Variants in CCDC3 observed in about 807,000 individuals in gnomAD.
CCDC3 encodes the protein coiled-coil domain-containing protein 3.
A neutral mutation model predicts 21.4 loss-of-function variants in CCDC3; 24 were observed. That is an observed-to-expected ratio of 1.12 (90% CI 0.81 to 1.58). The LOEUF is 1.58. Ranked by LOEUF, CCDC3 falls within the 40% of genes most tolerant of loss-of-function variation. The pLI is 0.00. For synonymous variants in CCDC3, 186 were observed against 166.0 expected (o/e 1.12, Z -0.93); for missense variants, 425 against 360.9 (o/e 1.18, Z -1.44).
At chr10:13,097,350 TCTAGGTGTTGAA>T in intron 3 of CCDC3, among the ~76,000 whole-genome samples, 1 of 152,256 alleles carries the variant, frequency 6.6e-6, no homozygotes, top group Admixed American at 6.5e-5. Flanking sequence ...CAGGCGTTCT[TCTAGGTGTTGAA>T]GACGTATTTC....
chr10:12,977,042 G>C (rs145114959), intron 2 of CCDC3, among the ~76,000 whole-genome samples: 1,608 of 152,320 alleles, frequency 0.011, 22 homozygotes, highest in African/African-American at 0.037. Flanking sequence ...GGGAGGCCAA[G>C]GTGGGCAGAT....
chr10:13,030,015 G>C (rs1589044888), intron 5 of CCDC3, among the ~76,000 whole-genome samples: 2 of 152,240 alleles, frequency 1.3e-5, no homozygotes, highest in Admixed American at 1.3e-4. Flanking sequence ...TCCTCGAGAA[G>C]AGCAACTCCA....
rs1435862653 is a variant in CCDC3, at chr10:12,980,083, A to G, written c.549+18255T>C. 3.3e-5 allele frequency among the ~76,000 whole-genome samples: 5 copies of G among 152,102 alleles called. No individual in the cohort carries two copies. In the East Asian group the frequency reaches 9.6e-4, roughly 29 times the overall value. ...TTACATGAAAGGGTTCGACTAGGCA[A>G]TCTCCCGGGTCCCTTTCAGTCCTGA... On this transcript the variant is annotated intron_variant, in intron 2 of 2. Transcript: ENST00000378825.
At position 13,023,160 on chromosome 10, in the gene CCDC3, C is replaced by T. The variant is rs142747081; in HGVS notation, c.-1-24648G>A. ...AAAGTGTAAAATAAAAGATATTTAA[C>T]GCTGCTATTGTACAATTTTATCTAA... On this transcript the variant is annotated intron_variant, in intron 5 of 6. Transcript: ENST00000378839. 1.8e-3 allele frequency among the ~76,000 whole-genome samples: 277 copies of T among 151,788 alleles called. 1 individual carries two copies. The highest frequency in any genetic ancestry group is 3.4e-3 in the Middle Eastern group (1 of 292).
chr10:12,935,980 T>C (rs1408096495), intron 2 of CCDC3, among the ~76,000 whole-genome samples: 1 of 152,258 alleles, frequency 6.6e-6, no homozygotes, highest in Non-Finnish European at 1.5e-5. Context: ...AGTGAATACA[T>C]TGTTGCTATT....
intron 5 of CCDC3, among the ~76,000 whole-genome samples, chr10:13,024,111 C>A (rs1184886349): frequency 6.6e-6 from 1 of 152,134 alleles, no homozygotes; most frequent in African/African-American, 2.4e-5. Flanking sequence ...AGATATCCTT[C>A]TTTTTCCAAG....
chr10:12,977,482 G>A (rs978002627), intron 2 of CCDC3, among the ~76,000 whole-genome samples: 2 of 152,160 alleles, frequency 1.3e-5, no homozygotes, highest in African/African-American at 4.8e-5. Flanking sequence ...GCTATTAATA[G>A]TAGCTGATTG....
intron 5 of CCDC3, among the ~76,000 whole-genome samples, chr10:13,015,915 T>C (rs1430634578): frequency 2.6e-5 from 4 of 152,002 alleles, no homozygotes; most frequent in Non-Finnish European, 5.9e-5. Context: ...AAAAAAATAA[T>C]TGAATTGTTC....
intron 3 of CCDC3, among the ~76,000 whole-genome samples, chr10:13,095,729 C>T (rs560799389): frequency 8.5e-5 from 13 of 152,236 alleles, no homozygotes; most frequent in African/African-American, 2.2e-4. Flanking sequence ...ATTATTAGGT[C>T]GTGTTCTTTT....
At chr10:13,080,990 C>T (rs1398081412) in intron 3 of CCDC3, among the ~76,000 whole-genome samples, 2 of 152,184 alleles carry the variant, frequency 1.3e-5, no homozygotes, top group African/African-American at 4.8e-5. Flanking sequence ...CACCAGGTCC[C>T]CTAGGCAACA....
At chr10:12,929,657 C>T (rs921790710) in intron 2 of CCDC3, among the ~76,000 whole-genome samples, 32 of 152,214 alleles carry the variant, frequency 2.1e-4, no homozygotes, top group Admixed American at 1.5e-3. Flanking sequence ...ACCTTCCCTG[C>T]CTCCCCAGGC....
intron 4 of CCDC3, among the ~76,000 whole-genome samples, chr10:13,066,417 G>A (rs1836820327): frequency 1.3e-5 from 2 of 152,164 alleles, no homozygotes; most frequent in Admixed American, 1.3e-4. Context: ...GGAATAATCT[G>A]AATTACACAC....
At chr10:12,971,685 T>G (rs1206458026) in intron 2 of CCDC3, among the ~76,000 whole-genome samples, 1 of 152,046 alleles carries the variant, frequency 6.6e-6, no homozygotes, top group East Asian at 1.9e-4. Context: ...AGCCCCGAAG[T>G]TTTTATTTGT....
At chr10:13,069,605 C>T (rs1336118753) in intron 4 of CCDC3, among the ~76,000 whole-genome samples, 1 of 152,088 alleles carries the variant, frequency 6.6e-6, no homozygotes, top group Non-Finnish European at 1.5e-5. Context: ...TTTTTGGATG[C>T]TACAGAGGGC....
At chr10:13,089,131 C>CG (rs1416405029) in intron 3 of CCDC3, among the ~76,000 whole-genome samples, 2 of 152,122 alleles carry the variant, frequency 1.3e-5, no homozygotes, top group African/African-American at 4.8e-5. Flanking sequence ...AAAAACTACA[C>CG]AGCGGACCAT....
chr10:13,066,670 G>T (rs928216086), intron 4 of CCDC3, among the ~76,000 whole-genome samples: 12 of 152,026 alleles, frequency 7.9e-5, no homozygotes, highest in African/African-American at 2.9e-4. Flanking sequence ...CACAAGTGTT[G>T]ACATCAGATG....
At chr10:12,899,780 C>T (rs959944301) in intron 2 of CCDC3, among the ~76,000 whole-genome samples, 35 of 152,190 alleles carry the variant, frequency 2.3e-4, no homozygotes, top group African/African-American at 8.2e-4. Flanking sequence ...GGAGCATATG[C>T]AAGAAACGGG....
chr10:12,995,803 A>T (rs529529424), intron 2 of CCDC3, among the ~76,000 whole-genome samples: 1 of 152,216 alleles, frequency 6.6e-6, no homozygotes, highest in African/African-American at 2.4e-5. Flanking sequence ...TTCTCCCCCA[A>T]GATCAACATC....
At chr10:13,039,874 T>C (rs1474564034) in intron 5 of CCDC3, among the ~76,000 whole-genome samples, 1 of 151,258 alleles carries the variant, frequency 6.6e-6, no homozygotes, top group Non-Finnish European at 1.5e-5. Flanking sequence ...TGACATACAG[T>C]GGGCAGGATC....
Sources: gnomAD v4.1 joint callset for allele counts (sites outside exome capture counted in the v4.1 genomes callset) on GRCh38, gnomAD v4.1.1 for gene constraint, MANE v1.5 for transcripts, NCBI Gene and HGNC (gene_info 2026-07-23, HGNC 2026-07-21) for gene names.